The following SLC2A9 variants were observed in gnomAD, a reference collection of about 807,000 sequenced individuals.
SLC2A9 encodes the protein solute carrier family 2 member 9, also known as solute carrier family 2, facilitated glucose transporter member 9.
In SLC2A9, 39 loss-of-function variants were observed where a neutral mutation model predicts 50.6. That is an observed-to-expected ratio of 0.77 (90% CI 0.60 to 1.01). The LOEUF (loss-of-function observed/expected upper bound fraction) is 1.01. SLC2A9 is among the 50% of genes least tolerant of loss of function. The probability of loss-of-function intolerance (pLI) is 0.00; values close to 1 mark genes in which losing one functional copy is unlikely to be tolerated. For synonymous variants in SLC2A9, 324 were observed against 276.9 expected (o/e 1.17, Z -1.69); for missense variants, 686 against 677.6 (o/e 1.01, Z -0.14).
chr4:9,920,268 T>TACCTAACAGTTC (rs1743670400), intron 7 of SLC2A9, 117 bp downstream of exon 7: 2 of 1,072,722 alleles, frequency 1.9e-6, no homozygotes, highest in Admixed American at 2.0e-5. Flanking sequence ...AGCATAGAGT[T>TACCTAACAGTTC]TGTGGCAATG....
intron 3 of SLC2A9, among the ~76,000 whole-genome samples, chr4:9,801,263 T>C (rs1465380256): frequency 1.3e-5 from 2 of 152,132 alleles, no homozygotes; most frequent in African/African-American, 2.4e-5. Flanking sequence ...ATCACACACA[T>C]GTGAGCAAAA....
At chr4:9,782,554 G>T in intron 3 of SLC2A9, 1 of 1,613,876 alleles carries the variant, frequency 6.2e-7, no homozygotes, top group Non-Finnish European at 8.5e-7. Context: ...CCTTCATTCC[G>T]GTCCAGCTCA....
rs146418272 is a variant in SLC2A9 at position 10,001,210 on chromosome 4, C to T, written c.250-4269G>A. On this transcript the variant is annotated intron_variant, in intron 2 of 11. Transcript: ENST00000264784. ...TATGTTGAAGTCCTAACCCCTAGTACCTCAGAATGTGACCTTATTTGGAGA... is the reference window on the plus strand; with the variant it reads ...TATGTTGAAGTCCTAACCCCTAGTATCTCAGAATGTGACCTTATTTGGAGA... 2.1e-3 allele frequency among the ~76,000 whole-genome samples: 314 copies of T among 152,220 alleles called. 2 individuals are homozygous for T. Among genetic ancestry groups the T allele is most frequent in the African/African-American group, 7.3e-3 (303 of 41,526 alleles).
intron 5 of SLC2A9, among the ~76,000 whole-genome samples, chr4:9,944,371 T>C (rs1167208018): frequency 6.6e-6 from 1 of 152,226 alleles, no homozygotes; most frequent in African/African-American, 2.4e-5. Context: ...TTTGGAATCT[T>C]AGTCAGTGGG....
chr4:9,907,134 A>G (rs116432756), intron 8 of SLC2A9, among the ~76,000 whole-genome samples: 175 of 152,370 alleles, frequency 1.1e-3, no homozygotes, highest in African/African-American at 3.9e-3. Context: ...CTACTCCATC[A>G]AGGTCAGAGA....
At position 9,951,009 on chromosome 4, in the gene SLC2A9, G is replaced by A. The variant is rs115197687; in HGVS notation, c.682-8964C>T. ...CCTCTGGGTACTACTCAAAGGAAAA[G>A]AAATTCATACGTCAAAGGGATACCT... On this transcript the variant is annotated intron_variant, in intron 5 of 11. Transcript: ENST00000264784. Among the ~76,000 whole-genome samples, 532 of 151,230 alleles carry A rather than the reference G, an allele frequency of 3.5e-3. 4 individuals are homozygous for A. The highest frequency in any genetic ancestry group is 0.012 in the African/African-American group (484 of 41,410).
At chr4:9,801,509 C>A (rs1196184595) in intron 3 of SLC2A9, among the ~76,000 whole-genome samples, 1 of 152,214 alleles carries the variant, frequency 6.6e-6, no homozygotes, top group Non-Finnish European at 1.5e-5. Context: ...ATGCAGTCAA[C>A]ACTGTAGCTC....
intron 7 of SLC2A9, among the ~76,000 whole-genome samples, chr4:9,913,315 G>C (rs1418764775): frequency 8.0e-6 from 1 of 124,360 alleles, no homozygotes; most frequent in Admixed American, 9.0e-5. Context: ...GTGTGTGTGT[G>C]TGTGTGTGTG....
At chr4:9,806,387 G>C (rs1722118429) in intron 3 of SLC2A9, among the ~76,000 whole-genome samples, 1 of 152,204 alleles carries the variant, frequency 6.6e-6, no homozygotes, top group Non-Finnish European at 1.5e-5. Flanking sequence ...CCATCCCTTT[G>C]TTTCCCATAA....
At chr4:9,816,165 GT>G (rs1560146005) in intron 3 of SLC2A9, among the ~76,000 whole-genome samples, 1 of 140,548 alleles carries the variant, frequency 7.1e-6, no homozygotes, top group Non-Finnish European at 1.5e-5. Context: ...GCAAGACCCT[GT>G]CTCAAAACAT....
At chr4:9,869,594 A>G (rs1158937936) in intron 10 of SLC2A9, among the ~76,000 whole-genome samples, 5 of 152,190 alleles carry the variant, frequency 3.3e-5, no homozygotes, top group African/African-American at 4.8e-5. Flanking sequence ...CACCAGGCAG[A>G]TGGGATGGCT....
At chr4:9,773,201 G>C (rs1295624878) in intron 1 of SLC2A9, among the ~76,000 whole-genome samples, 3 of 152,196 alleles carry the variant, frequency 2.0e-5, no homozygotes, top group Non-Finnish European at 4.4e-5. Flanking sequence ...CAGGGGTCCT[G>C]TGGTTGAGGT....
intron 1 of SLC2A9, among the ~76,000 whole-genome samples, chr4:10,020,689 C>T (rs1763397667): frequency 6.6e-6 from 1 of 152,314 alleles, no homozygotes; most frequent in African/African-American, 2.4e-5. Flanking sequence ...CTGTGCTGGG[C>T]ATCGTTTCTG....
chr4:9,834,196 G>A (rs1395538172), intron 11 of SLC2A9, among the ~76,000 whole-genome samples: 1 of 152,126 alleles, frequency 6.6e-6, no homozygotes, highest in Non-Finnish European at 1.5e-5. Context: ...TCCTTCCAGA[G>A]CCCTTCACGA....
chr4:10,006,702 G>C (rs914502940), intron 2 of SLC2A9: 1 of 152,052 alleles, frequency 6.6e-6, no homozygotes, highest in Non-Finnish European at 1.5e-5. Context: ...GGTAAGTCCC[G>C]GGCTTGCATC....
At chr4:9,796,454 G>T (rs1188696670), downstream of SLC2A9, among the ~76,000 whole-genome samples, 1 of 152,170 alleles carries the variant, frequency 6.6e-6, no homozygotes, top group Non-Finnish European at 1.5e-5. Flanking sequence ...ATTCTAATCT[G>T]TTGAATGGAG....
At chr4:9,774,359 C>G (rs894325135) in intron 1 of SLC2A9, among the ~76,000 whole-genome samples, 3 of 152,194 alleles carry the variant, frequency 2.0e-5, no homozygotes, top group Non-Finnish European at 4.4e-5. Context: ...AAAATGTATC[C>G]TTTCACACGT....
downstream of SLC2A9, among the ~76,000 whole-genome samples, chr4:9,778,988 G>A (rs564157706): frequency 8.6e-5 from 13 of 151,984 alleles, no homozygotes; most frequent in African/African-American, 3.1e-4. Context: ...GGATGGTCTC[G>A]ATCTCCTGAC....
rs1299798576 is a variant in SLC2A9, at chr4:9,944,488, A to AG, written c.682-2444dup. ...ACAAGGACGTGTGGACTCTTTCTTA[A>AG]GGGGGGTCGCATGGGTGACCATGGT... On this transcript the variant is annotated intron_variant, in intron 5 of 11. Transcript: ENST00000264784. Among the ~76,000 whole-genome samples, 10 of 152,260 alleles carry AG rather than the reference A, an allele frequency of 6.6e-5. No individual in the cohort carries two copies. The East Asian group carries it at 1.2e-3, about 18-fold the overall frequency.
Sources: allele counts gnomAD v4.1 joint callset (sites outside exome capture counted in the v4.1 genomes callset), GRCh38; gene constraint gnomAD v4.1.1; transcripts MANE v1.5; gene names NCBI Gene and HGNC (gene_info 2026-07-23, HGNC 2026-07-21).